The following DDX4 variants were observed in gnomAD, a reference collection of about 807,000 sequenced individuals.
DDX4 encodes the protein DEAD-box helicase 4.
DDX4 carries 25 observed loss-of-function variants against 100.0 expected under a neutral mutation model. That is an observed-to-expected ratio of 0.25 (90% confidence interval 0.18 to 0.35). The LOEUF (loss-of-function observed/expected upper bound fraction) is 0.35. DDX4 is among the 10% of genes least tolerant of loss of function. DDX4 has a pLI of 1.00. For synonymous variants in DDX4, 259 were observed against 275.7 expected (o/e 0.94, Z 0.60); for missense variants, 635 against 882.4 (o/e 0.72, Z 3.55).
In DDX4 at chr5:55,815,167, C is replaced by G; in HGVS notation, c.1982C>G (p.Thr661Arg). 1 of 1,613,520 alleles carries G rather than the reference C, an allele frequency of 6.2e-7. No individual in the cohort carries two copies. The highest frequency in any genetic ancestry group is 2.2e-5 in the East Asian group (1 of 44,884). The part of the protein sequence containing the change: ...HLAQPLVKVL[T>R]DAQQDVPAWL... The stretch of plus-strand genomic sequence containing the variant: ...GCACAGCCTCTAGTAAAAGTATTGA[C>G]AGATGTAAGTTAAACTTTTATGATG... The change falls in exon 20 of 22, where the codon ACA (threonine) becomes AGA (arginine). Residue 661 changes from threonine to arginine, a missense_variant. Thr to Arg is a moderately conservative substitution (Grantham distance 71). This residue lies in a region of DDX4 where 73 missense variants were observed against 98.5 expected (regional missense o/e 0.74). Coordinates refer to ENST00000505374, the MANE Select transcript of DDX4 (RefSeq NM_024415.3).
intron 3 of DDX4, among the ~76,000 whole-genome samples, chr5:55,751,695 T>C (rs908789153): frequency 8.5e-5 from 13 of 152,234 alleles, no homozygotes; most frequent in African/African-American, 3.1e-4. Context: ...ATATTCTAGA[T>C]TTTAGGCTCT....
chr5:55,745,236 A>G (rs1009129475), intron 2 of DDX4, among the ~76,000 whole-genome samples: 1 of 152,136 alleles, frequency 6.6e-6, no homozygotes, highest in African/African-American at 2.4e-5. Context: ...CTATAAATGC[A>G]GTAGAGATTT....
chr5:55,806,940 T>G (rs1743769019), intron 18 of DDX4, among the ~76,000 whole-genome samples: 1 of 152,196 alleles, frequency 6.6e-6, no homozygotes, highest in South Asian at 2.1e-4. Flanking sequence ...TGTCCCATTA[T>G]TATTGTGTGA....
intron 17 of DDX4, among the ~76,000 whole-genome samples, chr5:55,794,032 A>G (rs909321521): frequency 1.3e-5 from 2 of 152,082 alleles, no homozygotes; most frequent in Non-Finnish European, 2.9e-5. Flanking sequence ...TTTATTTTTT[A>G]TATGGTAAAT....
intron 8 of DDX4, 27 bp from the exon 9 acceptor site, chr5:55,781,039 A>G: frequency 6.3e-7 from 1 of 1,583,476 alleles, no homozygotes; most frequent in Non-Finnish European, 8.6e-7. Flanking sequence ...AAGTAATGTA[A>G]TCTAATTTTA....
intron 10 of DDX4, chr5:55,782,190 A>C: frequency 1.8e-6 from 1 of 559,564 alleles, no homozygotes; most frequent in Non-Finnish European, 3.2e-6. Context: ...TCTCTGATCC[A>C]GCAATTCCAT....
At chr5:55,800,751 G>T (rs80205996) in intron 18 of DDX4, among the ~76,000 whole-genome samples, 10,978 of 152,130 alleles carry the variant, frequency 0.072, 637 homozygotes, top group African/African-American at 0.16. Context: ...GAGCACTATT[G>T]ATATACTTCT....
At chr5:55,802,557 TCTCA>T (rs913228770) in intron 18 of DDX4, among the ~76,000 whole-genome samples, 4 of 152,202 alleles carry the variant, frequency 2.6e-5, no homozygotes, top group African/African-American at 9.7e-5. Flanking sequence ...GTCCTGGAAA[TCTCA>T]CTCAGTCCAG....
At chr5:55,803,738 T>C (rs1473426606) in intron 18 of DDX4, among the ~76,000 whole-genome samples, 1 of 152,124 alleles carries the variant, frequency 6.6e-6, no homozygotes, top group Middle Eastern at 3.4e-3. Context: ...GTTGGACATT[T>C]GGGTTGGTTC....
At position 55,764,081 on chromosome 5, in the gene DDX4, T is replaced by C. The variant is rs1440512375; in HGVS notation, c.334+17T>C. The C allele has an allele frequency of 6.3e-7, 1 of 1,590,896 alleles. No homozygotes were observed. The highest frequency in any genetic ancestry group is 1.1e-5 in the South Asian group (1 of 90,432). On this transcript the variant is annotated intron_variant, in intron 6 of 21. Transcript: ENST00000505374. ...TCTGGAGAGGTAAGGTTGATATTTT[T>C]GTGTTTTAAAATTTAATGTCAAGAG... is the stretch of plus-strand genomic sequence containing the variant.
intron 17 of DDX4, among the ~76,000 whole-genome samples, chr5:55,793,641 G>A (rs1171970749): frequency 6.6e-6 from 1 of 152,212 alleles, no homozygotes; most frequent in Non-Finnish European, 1.5e-5. Context: ...GATTTCCCTA[G>A]TGGGTCATTG....
intron 3 of DDX4, among the ~76,000 whole-genome samples, chr5:55,757,691 A>G (rs1760022833): frequency 1.3e-5 from 2 of 152,104 alleles, no homozygotes; most frequent in Admixed American, 6.6e-5. Context: ...AAAAAAATCT[A>G]CTGTATTGAA....
chr5:55,802,517 G>A (rs979929176), intron 18 of DDX4, among the ~76,000 whole-genome samples: 4 of 152,126 alleles, frequency 2.6e-5, no homozygotes, highest in Non-Finnish European at 4.4e-5. Context: ...GGATCAGCTT[G>A]CATGATTCTG....
chr5:55,814,906 G>T lies in DDX4; in HGVS notation c.1721G>T (p.Arg574Leu). ...KISTTSIHGDREQREREQALG... is the reference protein window; with the variant it reads ...KISTTSIHGDLEQREREQALG... Reference sequence around the variant, plus strand: ...ATGCTTTCTTTTCTTTCAAGTGATCGGGAACAGAGAGAGCGGGAGCAAGCT... The same window carrying T: ...ATGCTTTCTTTTCTTTCAAGTGATCTGGAACAGAGAGAGCGGGAGCAAGCT... The change falls in exon 20 of 22, where the codon CGG becomes CTG. Residue 574 changes from arginine (R) to leucine (L), a missense_variant. Arg to Leu is a moderately radical substitution (Grantham distance 102). This residue lies in a region of DDX4 where 115 missense variants were observed against 224.7 expected (regional missense o/e 0.51). Transcript: ENST00000505374. The T allele has an allele frequency of 6.2e-7, 1 of 1,610,166 alleles. No homozygotes were observed. The highest frequency in any genetic ancestry group is 1.1e-5 in the South Asian group (1 of 90,840).
Position 55,746,137 on chromosome 5 carries a change from T to G in DDX4, c.70-27T>G, listed in dbSNP as rs184171613. 5 of 1,567,678 alleles carry G rather than the reference T, an allele frequency of 3.2e-6. No individual in the cohort carries two copies. The Admixed American group carries it at 7.6e-5, about 24-fold the overall frequency. On this transcript the variant is annotated intron_variant, in intron 2 of 21. Transcript: ENST00000505374. ...CACGTTCATATTCAAAGTAGGAAAC[T>G]AGTTTTTTCTTTCTTCTTTCTCACA... is the stretch of plus-strand genomic sequence containing the variant.
chr5:55,782,523 G>A (rs951670487), intron 10 of DDX4, among the ~76,000 whole-genome samples: 4 of 151,624 alleles, frequency 2.6e-5, no homozygotes, highest in African/African-American at 7.3e-5. Flanking sequence ...GCTTGAATCC[G>A]GGAGGCGGAG....
At chr5:55,804,610 T>C (rs932486655) in intron 18 of DDX4, among the ~76,000 whole-genome samples, 1 of 152,138 alleles carries the variant, frequency 6.6e-6, no homozygotes, top group African/African-American at 2.4e-5. Context: ...TTTTCTCAGG[T>C]TTGTCAAAGA....
intron 3 of DDX4, among the ~76,000 whole-genome samples, chr5:55,757,352 G>C (rs1760005888): frequency 6.6e-6 from 1 of 152,176 alleles, no homozygotes; most frequent in Non-Finnish European, 1.5e-5. Flanking sequence ...TTATGAGTGA[G>C]AATATCTGCT....
intron 18 of DDX4, among the ~76,000 whole-genome samples, chr5:55,809,978 A>G (rs905739756): frequency 3.9e-5 from 6 of 152,234 alleles, no homozygotes; most frequent in African/African-American, 9.7e-5. Flanking sequence ...GGGTAAAAGT[A>G]TACTTTGGAT....
Sources: allele counts gnomAD v4.1 joint callset (sites outside exome capture counted in the v4.1 genomes callset), GRCh38; gene constraint gnomAD v4.1.1; regional missense constraint gnomAD v4.1.1; transcripts MANE v1.5; gene names NCBI Gene and HGNC (gene_info 2026-07-23, HGNC 2026-07-21).